The following PTCHD4 variants were observed in gnomAD, a reference collection of about 807,000 sequenced individuals.
PTCHD4 encodes patched domain containing 4.
A neutral mutation model predicts 58.1 loss-of-function variants in PTCHD4; 33 were observed. The observed-to-expected ratio is 0.57, with a 90% CI of 0.43 to 0.76. The LOEUF (loss-of-function observed/expected upper bound fraction) is 0.76, where lower values mean the gene tolerates loss of function less well. Ranked by LOEUF, PTCHD4 falls within the 30% of genes least tolerant of loss-of-function variation. PTCHD4 has a pLI of 0.00. For missense variants in PTCHD4, 1,058 were observed against 1,027.1 expected (o/e 1.03, Z -0.41); for synonymous variants, 478 against 409.6 (o/e 1.17, Z -2.02).
intron 4 of PTCHD4, among the ~76,000 whole-genome samples, chr6:47,967,263 A>G (rs923054486): frequency 6.6e-6 from 1 of 152,188 alleles, no homozygotes; most frequent in Non-Finnish European, 1.5e-5. Flanking sequence ...ATTTGCAGTA[A>G]TATTTTGAAA....
At chr6:47,955,661 A>T (rs1766829439) in intron 4 of PTCHD4, among the ~76,000 whole-genome samples, 1 of 152,374 alleles carries the variant, frequency 6.6e-6, no homozygotes, top group Non-Finnish European at 1.5e-5. Flanking sequence ...ATAGAATATT[A>T]TAAACAATAT....
chr6:47,901,815 C>T (rs1764715429), intron 4 of PTCHD4: 2 of 1,283,836 alleles, frequency 1.6e-6, no homozygotes, highest in African/African-American at 3.1e-5. Context: ...TAGGAGTCTT[C>T]ACATATAATC....
chr6:47,987,602 T>C (rs80033060), intron 4 of PTCHD4, among the ~76,000 whole-genome samples: 4,971 of 152,206 alleles, frequency 0.033, 124 homozygotes, highest in Non-Finnish European at 0.044. Flanking sequence ...TGCTAATTCC[T>C]TGAGGCTACT....
chr6:48,064,202 T>A (rs1468416987), intron 3 of PTCHD4, among the ~76,000 whole-genome samples: 2 of 152,150 alleles, frequency 1.3e-5, no homozygotes, highest in Non-Finnish European at 2.9e-5. Context: ...CAAACCCATA[T>A]CGAAGGACTA....
intron 4 of PTCHD4, among the ~76,000 whole-genome samples, chr6:47,962,889 G>A (rs1473776856): frequency 2.0e-5 from 3 of 151,796 alleles, no homozygotes; most frequent in Non-Finnish European, 2.9e-5. Context: ...GCCAGGTGCG[G>A]TGGCTCACGC....
At chr6:48,091,237 T>A (rs552661604) in intron 1 of PTCHD4, among the ~76,000 whole-genome samples, 3 of 151,934 alleles carry the variant, frequency 2.0e-5, no homozygotes, top group Non-Finnish European at 4.4e-5. Context: ...AAAAGCATAA[T>A]TATTGTCATT....
At chr6:47,992,832 AC>A (rs1768331432) in intron 4 of PTCHD4, among the ~76,000 whole-genome samples, 1 of 152,154 alleles carries the variant, frequency 6.6e-6, no homozygotes, top group Admixed American at 6.5e-5. Context: ...CCCAATTACT[AC>A]CCAGAATAGA....
chr6:48,029,832 A>C (rs548494626), intron 3 of PTCHD4, among the ~76,000 whole-genome samples: 1 of 152,264 alleles, frequency 6.6e-6, no homozygotes, highest in East Asian at 1.9e-4. Flanking sequence ...ATATGACCAC[A>C]GAGTTTTAAG....
intron 4 of PTCHD4, among the ~76,000 whole-genome samples, chr6:47,956,339 T>C (rs1318769323): frequency 1.3e-5 from 2 of 152,238 alleles, no homozygotes. Flanking sequence ...TAGGTAATAC[T>C]ATACGGATGA....
rs1763841916 is a variant in PTCHD4, at chr6:47,876,112, C to G, written c.*2191G>C. Among the ~76,000 whole-genome samples, 1 of 151,578 alleles carries G rather than the reference C, an allele frequency of 6.6e-6. No individual in the cohort carries two copies. Among genetic ancestry groups the G allele is most frequent in the African/African-American group, 2.4e-5 (1 of 41,296 alleles). On this transcript the variant is annotated 3_prime_UTR_variant, in exon 5 of 5. Transcript: ENST00000339488. ...CCCAAACAAAAAATCAAAACCCAACCAAAAACCTCCTCTGAAACTTCTACT... is the reference window on the plus strand; with the variant it reads ...CCCAAACAAAAAATCAAAACCCAACGAAAAACCTCCTCTGAAACTTCTACT...
intron 4 of PTCHD4, among the ~76,000 whole-genome samples, chr6:47,992,222 C>T (rs2114037566): frequency 6.6e-6 from 1 of 152,226 alleles, no homozygotes; most frequent in East Asian, 1.9e-4. Context: ...TAGAACACCA[C>T]TTTATGCTGA....
chr6:48,044,126 A>T (rs1414021754), intron 3 of PTCHD4, among the ~76,000 whole-genome samples: 1 of 151,768 alleles, frequency 6.6e-6, no homozygotes, highest in Non-Finnish European at 1.5e-5. Flanking sequence ...ATTTTCATTA[A>T]TATTTTAATT....
chr6:48,053,171 A>AG (rs1315153741), intron 3 of PTCHD4, among the ~76,000 whole-genome samples: 1 of 152,174 alleles, frequency 6.6e-6, no homozygotes, highest in African/African-American at 2.4e-5. Context: ...ATCTAGAAGA[A>AG]GAGTATAACA....
intron 4 of PTCHD4, among the ~76,000 whole-genome samples, chr6:47,942,996 C>T (rs564876252): frequency 3.3e-5 from 5 of 152,254 alleles, no homozygotes; most frequent in Admixed American, 3.3e-4. Context: ...TGTGGCATAA[C>T]CCCTCCGTAT....
chr6:48,016,436 C>A (rs1489997712), intron 3 of PTCHD4, among the ~76,000 whole-genome samples: 1 of 152,072 alleles, frequency 6.6e-6, no homozygotes, highest in Non-Finnish European at 1.5e-5. Flanking sequence ...AAAGGTGATT[C>A]TAAAGGAAAG....
intron 4 of PTCHD4, among the ~76,000 whole-genome samples, chr6:47,922,202 T>C (rs1220034848): frequency 6.6e-6 from 1 of 152,186 alleles, no homozygotes; most frequent in Non-Finnish European, 1.5e-5. Flanking sequence ...TTTTAACTAA[T>C]GTAGTTATTA....
chr6:47,864,209 A>T lies in PTCHD4; in HGVS notation c.*14094T>A, dbSNP rs1763498432. 6.6e-6 allele frequency among the ~76,000 whole-genome samples: 1 copy of T among 151,880 alleles called. No individual in the cohort carries two copies. The highest frequency in any genetic ancestry group is 1.5e-5 in the Non-Finnish European group (1 of 67,910). On this transcript the variant is annotated 3_prime_UTR_variant, in exon 5 of 5. Transcript: ENST00000339488. ...TGAATCAGAACCTCTGGAGATGGGG[A>T]TATGCAGGCTGTGCTTTGACAAGCC...
At chr6:48,102,762 G>T (rs933002663) in intron 1 of PTCHD4, among the ~76,000 whole-genome samples, 1 of 152,188 alleles carries the variant, frequency 6.6e-6, no homozygotes, top group African/African-American at 2.4e-5. Flanking sequence ...CCCTAATACT[G>T]CACTCTTCAA....
chr6:48,109,929 A>C (rs1765828910), intron 1 of PTCHD4, among the ~76,000 whole-genome samples: 2 of 152,150 alleles, frequency 1.3e-5, no homozygotes, highest in African/African-American at 4.8e-5. Context: ...ATAAAACTTA[A>C]AAAGAGAGAA....
Sources: allele counts gnomAD v4.1 joint callset (sites outside exome capture counted in the v4.1 genomes callset), GRCh38; gene constraint gnomAD v4.1.1; transcripts MANE v1.5; gene names NCBI Gene and HGNC (gene_info 2026-07-23, HGNC 2026-07-21).